Variants in PRKCQ observed in about 807,000 individuals in gnomAD.
PRKCQ encodes the protein protein kinase C theta type.
PRKCQ carries 41 observed loss-of-function variants against 91.2 expected under a neutral mutation model. The ratio of observed to expected loss-of-function variants is 0.45; its 90% CI spans 0.35 to 0.58. The LOEUF is 0.58. Ranked by LOEUF, PRKCQ falls within the 20% of genes least tolerant of loss-of-function variation. The probability of loss-of-function intolerance (pLI) is 0.00; values close to 1 mark genes in which losing one functional copy is unlikely to be tolerated. For missense variants in PRKCQ, 673 were observed against 896.5 expected (o/e 0.75, Z 3.18); for synonymous variants, 307 against 316.9 (o/e 0.97, Z 0.33).
intron 1 of PRKCQ, among the ~76,000 whole-genome samples, chr10:6,540,610 T>C (rs771596371): frequency 3.3e-5 from 5 of 152,232 alleles, no homozygotes; most frequent in Non-Finnish European, 7.3e-5. Flanking sequence ...TGTATGAATA[T>C]GCCCCATTTT....
chr10:6,542,249 C>T (rs890745506), intron 1 of PRKCQ, among the ~76,000 whole-genome samples: 1 of 152,198 alleles, frequency 6.6e-6, no homozygotes, highest in Non-Finnish European at 1.5e-5. Context: ...CTATTTTCAG[C>T]CCAACAACCT....
chr10:6,566,071 T>C (rs1449360262), intron 1 of PRKCQ, among the ~76,000 whole-genome samples: 3 of 152,242 alleles, frequency 2.0e-5, no homozygotes, highest in Non-Finnish European at 4.4e-5. Flanking sequence ...GGAAATCCAC[T>C]TGACCTTTTC....
chr10:6,467,165 C>A (rs1835697200), intron 12 of PRKCQ, among the ~76,000 whole-genome samples: 2 of 152,104 alleles, frequency 1.3e-5, no homozygotes, highest in Admixed American at 1.3e-4. Context: ...CCAGCAAATA[C>A]TTCCCAGAAG....
At chr10:6,447,295 T>C (rs1185067173) in intron 15 of PRKCQ, among the ~76,000 whole-genome samples, 1 of 151,404 alleles carries the variant, frequency 6.6e-6, no homozygotes, top group Non-Finnish European at 1.5e-5. Context: ...TAGTCCCAGC[T>C]ACTCGGGAGG....
At chr10:6,484,259 AAAG>A (rs1836778999) in intron 10 of PRKCQ, among the ~76,000 whole-genome samples, 1 of 152,138 alleles carries the variant, frequency 6.6e-6, no homozygotes, top group African/African-American at 2.4e-5. Context: ...ACTAAAATAC[AAAG>A]AATTCGCTGG....
intron 12 of PRKCQ, among the ~76,000 whole-genome samples, chr10:6,467,321 CAGAGAGAGACAGACAGAG>C (rs1835711536): frequency 9.2e-5 from 9 of 97,412 alleles, no homozygotes; most frequent in African/African-American, 3.2e-4. Flanking sequence ...GAGAGAGAGA[CAGAGAGAGACAGACAGAG>C]AGAGAGAGAG....
intron 15 of PRKCQ, among the ~76,000 whole-genome samples, chr10:6,445,866 C>T (rs1019255398): frequency 1.3e-5 from 2 of 152,236 alleles, no homozygotes; most frequent in African/African-American, 2.4e-5. Flanking sequence ...GAGACTTGCC[C>T]ACAAGGCGGC....
chr10:6,431,891 T>G (rs939635722), intron 16 of PRKCQ, among the ~76,000 whole-genome samples: 1 of 152,206 alleles, frequency 6.6e-6, no homozygotes, highest in Non-Finnish European at 1.5e-5. Flanking sequence ...CTCTGCACTG[T>G]TCCTTCTCCT....
Position 6,522,720 on chromosome 10 carries a change from G to GA in PRKCQ, c.-9-7577dup, listed in dbSNP as rs1460811376. 3.3e-5 allele frequency among the ~76,000 whole-genome samples: 5 copies of GA among 152,322 alleles called. No homozygotes were observed. In the East Asian group the frequency reaches 9.6e-4, roughly 29 times the overall value. Reference sequence around the variant, plus strand: ...AGTGGGAGATGGCTCAGTGTTGGGGGAGAGTCTCACAGAATTAAAATAACA... The same window carrying GA: ...AGTGGGAGATGGCTCAGTGTTGGGGGAAGAGTCTCACAGAATTAAAATAACA... On this transcript the variant is annotated intron_variant, in intron 1 of 17. Transcript: ENST00000263125.
intron 15 of PRKCQ, among the ~76,000 whole-genome samples, chr10:6,443,454 T>C (rs1834078897): frequency 6.6e-6 from 1 of 152,214 alleles, no homozygotes; most frequent in Non-Finnish European, 1.5e-5. Flanking sequence ...CTGTGCTATA[T>C]ATACACAGGG....
At chr10:6,514,347 G>A (rs1838642344) in intron 2 of PRKCQ, among the ~76,000 whole-genome samples, 2 of 151,222 alleles carry the variant, frequency 1.3e-5, no homozygotes, top group South Asian at 2.1e-4. Context: ...GTGGAAGCCG[G>A]CCGACGTGAC....
At chr10:6,420,193 TG>T in the PRKCQ span, among the ~76,000 whole-genome samples, 3 of 152,198 alleles carry the variant, frequency 2.0e-5, no homozygotes, top group African/African-American at 7.2e-5. Context: ...TTCACCATAT[TG>T]GTCAAGCTGG....
intron 4 of PRKCQ, among the ~76,000 whole-genome samples, chr10:6,505,018 C>T (rs1046904758): frequency 1.3e-5 from 2 of 151,976 alleles, no homozygotes; most frequent in South Asian, 2.1e-4. Context: ...CTCAGCCTCC[C>T]GAGTAGCTGG....
rs372031003 is a variant in PRKCQ at position 6,579,355 on chromosome 10, G to A, written c.-10+856C>T. Among the ~76,000 whole-genome samples, 365 of 152,084 alleles carry A rather than the reference G, an allele frequency of 2.4e-3. 4 individuals carry two copies. The highest frequency in any genetic ancestry group is 8.4e-3 in the African/African-American group (347 of 41,472). Reference sequence around the variant, plus strand: ...CCTGAATCATCTTTTATAGCACCACGTCCAGCCCGCACAGGGGCAGGACAG... The same window carrying A: ...CCTGAATCATCTTTTATAGCACCACATCCAGCCCGCACAGGGGCAGGACAG... On this transcript the variant is annotated intron_variant, in intron 1 of 17. Coordinates refer to ENST00000263125, the MANE Select transcript of PRKCQ (RefSeq NM_006257.5).
chr10:6,579,275 G>A (rs1365349106), intron 1 of PRKCQ, among the ~76,000 whole-genome samples: 2 of 152,156 alleles, frequency 1.3e-5, no homozygotes, highest in Non-Finnish European at 2.9e-5. Context: ...AGGGCACGGA[G>A]TGCTCCCTCT....
chr10:6,450,979 A>T (rs1446169670), intron 15 of PRKCQ, among the ~76,000 whole-genome samples: 1 of 152,082 alleles, frequency 6.6e-6, no homozygotes, highest in Non-Finnish European at 1.5e-5. Context: ...AAGCAGGAAA[A>T]ATCCAAAACT....
At chr10:6,487,390 G>A (rs1836987474) in intron 8 of PRKCQ, among the ~76,000 whole-genome samples, 1 of 152,204 alleles carries the variant, frequency 6.6e-6, no homozygotes, top group Non-Finnish European at 1.5e-5. Flanking sequence ...CACCTGTCAG[G>A]TGGGTGGAGA....
At chr10:6,502,962 T>C (rs1248364701) in intron 4 of PRKCQ, among the ~76,000 whole-genome samples, 1 of 152,176 alleles carries the variant, frequency 6.6e-6, no homozygotes, top group Non-Finnish European at 1.5e-5. Context: ...AAGCCAAACA[T>C]AGAGTCTGAA....
At chr10:6,477,399 G>C (rs1836326755) in intron 12 of PRKCQ, among the ~76,000 whole-genome samples, 2 of 152,184 alleles carry the variant, frequency 1.3e-5, no homozygotes, top group Admixed American at 6.5e-5. Context: ...CATTGATTTG[G>C]TTATTGCACA....
Sources: allele counts gnomAD v4.1 joint callset (sites outside exome capture counted in the v4.1 genomes callset), GRCh38; gene constraint gnomAD v4.1.1; transcripts MANE v1.5; gene names NCBI Gene and HGNC (gene_info 2026-07-23, HGNC 2026-07-21).